The following LOXHD1 variants were observed in gnomAD, a reference collection of about 807,000 sequenced individuals.
LOXHD1 encodes the protein lipoxygenase homology domain-containing protein 1.
A neutral mutation model predicts 248.2 loss-of-function variants in LOXHD1; 205 were observed. That is an observed-to-expected ratio of 0.83 (90% confidence interval 0.74 to 0.93). LOXHD1 has a LOEUF of 0.93. LOXHD1 is among the 40% of genes least tolerant of loss of function. The probability of loss-of-function intolerance (pLI) is 0.00; values close to 1 mark genes in which losing one functional copy is unlikely to be tolerated. For synonymous variants in LOXHD1, 1,113 were observed against 1,162.8 expected (o/e 0.96, Z 0.87); for missense variants, 2,930 against 2,971.6 (o/e 0.99, Z 0.33).
intron 16 of LOXHD1, among the ~76,000 whole-genome samples, chr18:46,567,161 GT>G (rs953386620): frequency 2.6e-5 from 4 of 152,164 alleles, no homozygotes; most frequent in African/African-American, 7.2e-5. Flanking sequence ...TTGCTTTTAT[GT>G]TTTTTCTTTT....
At chr18:46,564,129 C>CGCACACAT (rs1188967914) in intron 17 of LOXHD1, among the ~76,000 whole-genome samples, 1 of 151,716 alleles carries the variant, frequency 6.6e-6, no homozygotes, top group African/African-American at 2.4e-5. Flanking sequence ...CACGCACACA[C>CGCACACAT]GCACACATGA....
At chr18:46,525,682 G>GTGGGAAGTTAGGA (rs1178867653) in intron 29 of LOXHD1, among the ~76,000 whole-genome samples, 23 of 152,318 alleles carry the variant, frequency 1.5e-4, no homozygotes, top group African/African-American at 5.1e-4. Flanking sequence ...GAGTTTGAAT[G>GTGGGAAGTTAGGA]TGGGAAGTTA....
At chr18:46,593,187 A>T (rs2038203792) in intron 10 of LOXHD1, among the ~76,000 whole-genome samples, 1 of 135,484 alleles carries the variant, frequency 7.4e-6, no homozygotes, top group South Asian at 2.5e-4. Flanking sequence ...GAAAGTTTTA[A>T]AGCTGAATTT....
At chr18:46,588,626 C>T (rs2038106728) in intron 12 of LOXHD1, among the ~76,000 whole-genome samples, 1 of 152,216 alleles carries the variant, frequency 6.6e-6, no homozygotes, top group African/African-American at 2.4e-5. Context: ...TTTGTCCCAA[C>T]TTTCTGGACA....
intron 34 of LOXHD1, among the ~76,000 whole-genome samples, chr18:46,515,013 G>A (rs2035172737): frequency 6.6e-6 from 1 of 152,202 alleles, no homozygotes; most frequent in South Asian, 2.1e-4. Flanking sequence ...CATCTCATGG[G>A]AGTTAATTTA....
chr18:46,615,037 G>A (rs1002168206), intron 5 of LOXHD1, among the ~76,000 whole-genome samples: 3 of 152,152 alleles, frequency 2.0e-5, no homozygotes, highest in Non-Finnish European at 4.4e-5. Context: ...GTTCTTAAGA[G>A]AATCTTTTTA....
intron 21 of LOXHD1, among the ~76,000 whole-genome samples, chr18:46,550,135 C>T (rs372483318): frequency 6.6e-5 from 10 of 152,332 alleles, no homozygotes; most frequent in African/African-American, 1.2e-4. Flanking sequence ...TTAAAGACAA[C>T]GTACTCCCAA....
At chr18:46,560,606 A>C in intron 18 of LOXHD1, 61 bp from the exon 19 acceptor site, 4 of 1,400,308 alleles carry the variant, frequency 2.9e-6, no homozygotes, top group Non-Finnish European at 3.8e-6. Context: ...CGCCCCCAAC[A>C]CCCCCGCCCA....
chr18:46,611,005 A>G, intron 5 of LOXHD1, 81 bp from the exon 6 acceptor site: 3 of 1,498,022 alleles, frequency 2.0e-6, no homozygotes, highest in Non-Finnish European at 2.7e-6. Flanking sequence ...CGCCCACTGA[A>G]AGATGCTCTT....
Position 46,506,039 on chromosome 18 carries a change from G to T in LOXHD1, c.5693-16C>A. On this transcript the variant is annotated splice_polypyrimidine_tract_variant and intron_variant, in intron 36 of 40. Coordinates refer to ENST00000642948, the MANE Select transcript of LOXHD1 (RefSeq NM_001384474.1). ...GTGCCTGCTCCTGGGGGGTGCACAA[G>T]GTGAGGCTTAGGGTGCCAGCCTCTT... is the stretch of plus-strand genomic sequence containing the variant. 2 of 1,551,772 alleles carry T rather than the reference G, an allele frequency of 1.3e-6. No homozygotes were observed. The highest frequency in any genetic ancestry group is 4.9e-5 in the East Asian group (2 of 40,924).
At chr18:46,544,182 T>C (rs913692226) in intron 23 of LOXHD1, among the ~76,000 whole-genome samples, 21 of 152,344 alleles carry the variant, frequency 1.4e-4, no homozygotes, top group Admixed American at 1.4e-3. Context: ...TACAGAGAGA[T>C]AGACAGACCT....
chr18:46,509,861 G>A, intron 34 of LOXHD1, 46 bp from the exon 35 acceptor site: 1 of 1,282,204 alleles, frequency 7.8e-7, no homozygotes, highest in Non-Finnish European at 1.1e-6. Context: ...CTGGCCATTG[G>A]GGAGGGTTGG....
chr18:46,584,812 T>C (rs1391770466), intron 12 of LOXHD1, among the ~76,000 whole-genome samples: 3 of 152,044 alleles, frequency 2.0e-5, no homozygotes, highest in Non-Finnish European at 2.9e-5. Context: ...GCAAAAATCT[T>C]CAACAAAATA....
At chr18:46,638,218 G>GT (rs2038917238) in intron 4 of LOXHD1, among the ~76,000 whole-genome samples, 1 of 152,114 alleles carries the variant, frequency 6.6e-6, no homozygotes, top group Non-Finnish European at 1.5e-5. Context: ...CACCAGTGTT[G>GT]TTTTTTCAAG....
At chr18:46,613,269 T>C (rs1022839140) in intron 5 of LOXHD1, among the ~76,000 whole-genome samples, 5 of 152,152 alleles carry the variant, frequency 3.3e-5, no homozygotes, top group African/African-American at 4.8e-5. Flanking sequence ...TGTATATCCT[T>C]CAATAAAAAT....
At chr18:46,624,533 C>T (rs940210475) in intron 4 of LOXHD1, among the ~76,000 whole-genome samples, 18 of 152,254 alleles carry the variant, frequency 1.2e-4, no homozygotes, top group African/African-American at 4.3e-4. Flanking sequence ...CCAGTTCTTT[C>T]CCCCATGCTA....
chr18:46,517,555 G>GT (rs1293383357), intron 34 of LOXHD1, among the ~76,000 whole-genome samples: 1 of 152,180 alleles, frequency 6.6e-6, no homozygotes, highest in African/African-American at 2.4e-5. Context: ...TAGTGTTGCT[G>GT]TTATTGCCCT....
chr18:46,566,339 G>A lies in LOXHD1; in HGVS notation c.2355C>T (p.Ala785=), dbSNP rs1439191780. 1 of 1,551,862 alleles carries A rather than the reference G, an allele frequency of 6.4e-7. No individual in the cohort carries two copies. Among genetic ancestry groups the A allele is most frequent in the African/African-American group, 1.4e-5 (1 of 73,184 alleles). The change falls in exon 17 of 41, where the codon GCC becomes GCT. Residue 785 remains alanine, a synonymous_variant. Transcript: ENST00000642948. ...PRQGKQYTFP[A]NRWLDKNQAD... is the part of the protein sequence containing the mutation. ...CCTGGTTCTTGTCCAGCCAGCGGTT[G>A]GCGGGAAAGGTGTACTGCTTGCCTT...
chr18:46,623,912 T>A (rs2038703199), intron 4 of LOXHD1, among the ~76,000 whole-genome samples: 2 of 152,368 alleles, frequency 1.3e-5, no homozygotes, highest in South Asian at 4.1e-4. Flanking sequence ...CTGGTGAGGC[T>A]GCTTGCCACA....
Sources: gnomAD v4.1 joint callset for allele counts (sites outside exome capture counted in the v4.1 genomes callset) on GRCh38, gnomAD v4.1.1 for gene constraint, MANE v1.5 for transcripts, NCBI Gene and HGNC (gene_info 2026-07-23, HGNC 2026-07-21) for gene names.